Variants in ROS1 observed in about 807,000 individuals in gnomAD.
The protein encoded by ROS1 is proto-oncogene tyrosine-protein kinase ROS.
In ROS1, 263 loss-of-function variants were observed where a neutral mutation model predicts 273.5. The observed-to-expected ratio is 0.96, with a 90% CI of 0.87 to 1.06. The LOEUF is 1.06. Ranked by LOEUF, ROS1 falls within the 50% of genes least tolerant of loss-of-function variation. ROS1 has a pLI of 0.00. For synonymous variants in ROS1, 1,008 were observed against 954.1 expected (o/e 1.06, Z -1.04); for missense variants, 2,833 against 2,751.1 (o/e 1.03, Z -0.67).
At chr6:117,341,012 C>G (rs1777870260) in intron 31 of ROS1, 123 bp downstream of exon 31, 1 of 653,174 alleles carries the variant, frequency 1.5e-6, no homozygotes, top group East Asian at 2.8e-5. Context: ...GCATGCCAAA[C>G]ATAAATCAAT....
At position 117,288,077 on chromosome 6, in the gene ROS1, C is replaced by T. The variant is rs547751869; in HGVS notation, c.*415G>A. Among the ~76,000 whole-genome samples the T allele has an allele frequency of 3.0e-4, 46 of 152,192 alleles. No individual in the cohort carries two copies. Among genetic ancestry groups the T allele is most frequent in the African/African-American group, 1.0e-3 (43 of 41,538 alleles). On this transcript the variant is annotated 3_prime_UTR_variant, in exon 44 of 44. Coordinates refer to ENST00000368507, the MANE Select transcript of ROS1 (RefSeq NM_001378902.1). ...TTGAGATTATCTGTAGTTCAGTTGA[C>T]CCCCCTGAGCCTACTCCTTAGCCTC...
chr6:117,424,774 A>G (rs1391016854), intron 1 of ROS1, among the ~76,000 whole-genome samples: 1 of 152,158 alleles, frequency 6.6e-6, no homozygotes, highest in East Asian at 1.9e-4. Flanking sequence ...AATGAATACT[A>G]TATTTAGTAC....
At chr6:117,339,604 A>G (rs1030456087) in intron 31 of ROS1, among the ~76,000 whole-genome samples, 29 of 152,166 alleles carry the variant, frequency 1.9e-4, no homozygotes, top group African/African-American at 6.8e-4. Flanking sequence ...GCAGAACCAC[A>G]GACTTTTACT....
chr6:117,369,351 G>A (rs1780546896), intron 18 of ROS1, among the ~76,000 whole-genome samples: 1 of 152,148 alleles, frequency 6.6e-6, no homozygotes, highest in Non-Finnish European at 1.5e-5. Context: ...TGCTCGAGGA[G>A]CTAGACTCTT....
In ROS1 at chr6:117,341,478, T is replaced by C. The variant is rs1189087448; in HGVS notation, c.4806A>G (p.Leu1602=). 2 of 1,613,746 alleles carry C rather than the reference T, an allele frequency of 1.2e-6. No individual in the cohort carries two copies. Among genetic ancestry groups the C allele is most frequent in the Admixed American group, 1.7e-5 (1 of 59,970 alleles). ...SHLALIPETP[L]RQSEFPNGRL... is the part of the protein sequence containing the mutation. ...TTCCATTTGGAAATTCACTTTGTCT[T>C]AGAGGAGTTTCAGGAATTAGGGCCA... The change falls in exon 30 of 44, where the codon CTA becomes CTG. Residue 1602 remains leucine (L), a synonymous_variant. Transcript: ENST00000368507.
chr6:117,405,366 T>C (rs1388391882), intron 5 of ROS1, among the ~76,000 whole-genome samples: 2 of 152,222 alleles, frequency 1.3e-5, no homozygotes, highest in African/African-American at 4.8e-5. Flanking sequence ...ACAACCCTTC[T>C]CTGCTTATTC....
chr6:117,309,929 C>T (rs556641017), intron 41 of ROS1, 152 bp downstream of exon 41: 2 of 703,394 alleles, frequency 2.8e-6, no homozygotes, highest in South Asian at 3.6e-5. Flanking sequence ...ACCACCTTGA[C>T]CACCAACTCT....
At chr6:117,341,004 A>C in intron 31 of ROS1, 131 bp downstream of exon 31, 1 of 629,958 alleles carries the variant, frequency 1.6e-6, no homozygotes, top group Non-Finnish European at 2.7e-6. Context: ...CTGCTTCTGC[A>C]TGCCAAACAT....
At chr6:117,390,067 GC>G (rs1772937489) in intron 12 of ROS1, among the ~76,000 whole-genome samples, 1 of 152,174 alleles carries the variant, frequency 6.6e-6, no homozygotes, top group African/African-American at 2.4e-5. Flanking sequence ...CACTTGTAAT[GC>G]TTAGTCTCTT....
intron 5 of ROS1, 51 bp from the exon 6 acceptor site, chr6:117,404,479 A>G (rs759782713): frequency 3.8e-6 from 6 of 1,567,670 alleles, no homozygotes; most frequent in South Asian, 1.2e-5. Flanking sequence ...CCATCAGCGC[A>G]AGAGAGTGTG....
chr6:117,421,677 A>T lies in ROS1; in HGVS notation c.124-3171T>A, dbSNP rs905056276. On this transcript the variant is annotated intron_variant, in intron 1 of 43. Coordinates refer to ENST00000368507, the MANE Select transcript of ROS1 (RefSeq NM_001378902.1). Reference sequence around the variant, plus strand: ...TCCACTCATCAGTTGATGGACACTTATACTTCTTTTTTGAAGTGGCTGTTT... The same window carrying T: ...TCCACTCATCAGTTGATGGACACTTTTACTTCTTTTTTGAAGTGGCTGTTT... Among the ~76,000 whole-genome samples, 3 of 152,138 alleles carry T rather than the reference A, an allele frequency of 2.0e-5. No individual in the cohort carries two copies. In the South Asian group the frequency reaches 6.2e-4, roughly 31 times the overall value.
chr6:117,403,105 A>G (rs1360070450), intron 7 of ROS1, 34 bp downstream of exon 7: 1 of 1,609,074 alleles, frequency 6.2e-7, no homozygotes, highest in African/African-American at 1.3e-5. Flanking sequence ...CTTTGGAATA[A>G]TGTCCTTTCA....
intron 42 of ROS1, among the ~76,000 whole-genome samples, chr6:117,303,900 C>G (rs1774920254): frequency 6.6e-6 from 1 of 152,056 alleles, no homozygotes; most frequent in Non-Finnish European, 1.5e-5. Context: ...TAGCTAGTAT[C>G]CATTTGGGGA....
chr6:117,302,243 G>T (rs1270753941), intron 42 of ROS1, among the ~76,000 whole-genome samples: 1 of 152,126 alleles, frequency 6.6e-6, no homozygotes, highest in African/African-American at 2.4e-5. Flanking sequence ...ATCTTTTTAA[G>T]TAATATTCAG....
In ROS1 at chr6:117,397,024, G is replaced by A. The variant is rs55959124; in HGVS notation, c.697C>T (p.Pro233Ser). 3,707 of 1,613,096 alleles carry A rather than the reference G, an allele frequency of 2.3e-3. 58 individuals are homozygous for A. In the East Asian group the frequency reaches 0.035, roughly 15 times the overall value. Residue 233 changes from proline (P) to serine (S), a missense_variant, in exon 8 of 44, where the codon CCT (proline) becomes TCT (serine). Coordinates refer to ENST00000368507, the MANE Select transcript of ROS1 (RefSeq NM_001378902.1). ...SWDPPQFPGGPILGYNLRLIS... is the reference protein window; with the variant it reads ...SWDPPQFPGGSILGYNLRLIS... The stretch of plus-strand genomic sequence containing the variant: ...AGCCTTAAGTTATAACCCAAAATAG[G>A]TCCACCTGGGAATTGAGGTGGATCC...
intron 43 of ROS1, among the ~76,000 whole-genome samples, chr6:117,297,066 A>T (rs1056031174): frequency 6.6e-6 from 1 of 152,230 alleles, no homozygotes; most frequent in African/African-American, 2.4e-5. Flanking sequence ...AAATAAAGCC[A>T]CATATTTATA....
rs554144343 is a variant in ROS1, at chr6:117,409,311, G to A, written c.316+271C>T. Among the ~76,000 whole-genome samples the A allele has an allele frequency of 1.3e-4, 20 of 152,332 alleles. 1 individual carries two copies. In the South Asian group the frequency reaches 4.1e-3, roughly 32 times the overall value. ...ACATTTGTCTGTCATTAAGAGAGAA[G>A]TGAGTGTACCTACTGAACTTGAGGA... On this transcript the variant is annotated intron_variant, in intron 5 of 43. Transcript: ENST00000368507.
chr6:117,305,067 T>C (rs533277676), intron 42 of ROS1, among the ~76,000 whole-genome samples: 29 of 152,298 alleles, frequency 1.9e-4, no homozygotes, highest in African/African-American at 7.0e-4. Flanking sequence ...CTTTTCTTTA[T>C]AAATTACCCA....
intron 5 of ROS1, among the ~76,000 whole-genome samples, chr6:117,407,353 C>T (rs1357860036): frequency 1.3e-5 from 2 of 152,142 alleles, no homozygotes; most frequent in African/African-American, 4.8e-5. Context: ...CTTATCAAAG[C>T]GCTGGCCTGT....
Sources: allele counts gnomAD v4.1 joint callset (sites outside exome capture counted in the v4.1 genomes callset), GRCh38; gene constraint gnomAD v4.1.1; transcripts MANE v1.5; gene names NCBI Gene and HGNC (gene_info 2026-07-23, HGNC 2026-07-21).